The following FABP12 variants were observed in gnomAD, a reference collection of about 807,000 sequenced individuals.
FABP12 encodes the protein fatty acid-binding protein 12.
In FABP12, 19 loss-of-function variants were observed where a neutral mutation model predicts 13.7. The observed-to-expected ratio is 1.39, with a 90% CI of 0.97 to 2.04. FABP12 has a LOEUF of 2.04. FABP12 is among the 30% of genes most tolerant of loss of function. The probability of loss-of-function intolerance (pLI) is 0.00; values close to 1 mark genes in which losing one functional copy is unlikely to be tolerated. For synonymous variants in FABP12, 61 were observed against 57.0 expected (o/e 1.07, Z -0.32); for missense variants, 182 against 164.2 (o/e 1.11, Z -0.59).
intron 1 of FABP12, among the ~76,000 whole-genome samples, chr8:81,578,067 A>G (rs2130094286): frequency 6.6e-6 from 1 of 152,326 alleles, no homozygotes; most frequent in Middle Eastern, 3.4e-3. Context: ...TTTGGGAAGC[A>G]TCAGGTTAAA....
At chr8:81,536,166 A>G (rs995859362), upstream of FABP12, among the ~76,000 whole-genome samples, 6 of 152,124 alleles carry the variant, frequency 3.9e-5, no homozygotes, top group Admixed American at 1.3e-4. Context: ...TAACAACCCA[A>G]CAAGAGCAAC....
intron 1 of FABP12, chr8:81,532,995 AT>A (rs1371872359): frequency 6.6e-6 from 1 of 152,206 alleles, no homozygotes; most frequent in Non-Finnish European, 1.5e-5. Context: ...AATTCCCAGG[AT>A]TTTTCAAGAA....
chr8:81,525,515 C>CA (rs201121273), intron 4 of FABP12, among the ~76,000 whole-genome samples: 12,315 of 95,388 alleles, frequency 0.13, 678 homozygotes, highest in Admixed American at 0.27. Flanking sequence ...GACTCCGTCT[C>CA]AAAAAAAAAA....
intron 1 of FABP12, chr8:81,532,936 C>A (rs1170988015): frequency 1.3e-5 from 2 of 152,212 alleles, no homozygotes; most frequent in African/African-American, 4.8e-5. Context: ...GAGGCTGAAG[C>A]CAGGAAATGA....
chr8:81,560,156 T>C lies in FABP12; in HGVS notation c.-184-20413A>G, dbSNP rs371857144. On this transcript the variant is annotated intron_variant, in intron 1 of 5. Coordinates refer to the FABP12 transcript ENST00000692030. ...CTGCTGCAATGGTCTCCAGGTACAA[T>C]GAGACGAAGACTTACAATAAAGAAT... is the stretch of plus-strand genomic sequence containing the variant. 2.8e-3 allele frequency among the ~76,000 whole-genome samples: 433 copies of C among 152,238 alleles called. 3 individuals are homozygous for C. Among genetic ancestry groups the C allele is most frequent in the South Asian group, 9.3e-3 (45 of 4,822 alleles).
At chr8:81,580,125 C>A (rs989505948) in intron 1 of FABP12, among the ~76,000 whole-genome samples, 1 of 152,190 alleles carries the variant, frequency 6.6e-6, no homozygotes, top group Non-Finnish European at 1.5e-5. Context: ...TCCTGTAGAG[C>A]TCCATCAAGC....
At chr8:81,561,138 T>G (rs1395661971) in intron 1 of FABP12, among the ~76,000 whole-genome samples, 1 of 152,210 alleles carries the variant, frequency 6.6e-6, no homozygotes, top group East Asian at 1.9e-4. Flanking sequence ...TCTAGTCTAT[T>G]TTTGGTCACT....
intron 1 of FABP12, among the ~76,000 whole-genome samples, chr8:81,551,598 A>C (rs1170268521): frequency 1.3e-5 from 2 of 152,226 alleles, no homozygotes; most frequent in African/African-American, 4.8e-5. Context: ...ATCTTGTGAC[A>C]CAAAGTCTAG....
intron 1 of FABP12, among the ~76,000 whole-genome samples, 65 bp downstream of exon 1, chr8:81,533,737 G>A (rs936371387): frequency 6.6e-6 from 1 of 152,194 alleles, no homozygotes; most frequent in Admixed American, 6.5e-5. Flanking sequence ...ATGATCTGAA[G>A]GAGGGGTGCT....
chr8:81,567,693 C>T (rs1248728472), intron 1 of FABP12, among the ~76,000 whole-genome samples: 1 of 152,172 alleles, frequency 6.6e-6, no homozygotes, highest in East Asian at 1.9e-4. Flanking sequence ...AGTCCACAAA[C>T]TATGAAACTA....
chr8:81,589,013 T>C (rs1810283183), intron 1 of FABP12, among the ~76,000 whole-genome samples: 1 of 152,166 alleles, frequency 6.6e-6, no homozygotes, highest in Admixed American at 6.5e-5. Flanking sequence ...TCAGCAACTA[T>C]GGATGAGGTG....
chr8:81,578,823 GTTTT>G (rs763089399), intron 1 of FABP12, among the ~76,000 whole-genome samples: 2 of 105,668 alleles, frequency 1.9e-5, no homozygotes, highest in Non-Finnish European at 3.5e-5. Flanking sequence ...ATTTGTTCAA[GTTTT>G]TTTTTTTTTT....
intron 2 of FABP12, among the ~76,000 whole-genome samples, chr8:81,530,255 G>A (rs116271452): frequency 0.013 from 2,028 of 152,074 alleles, 42 homozygotes; most frequent in African/African-American, 0.046. Context: ...TCTTGTCTTG[G>A]AAGTTTTCCC....
intron 1 of FABP12, among the ~76,000 whole-genome samples, chr8:81,580,027 T>A (rs1359868531): frequency 6.6e-6 from 1 of 152,216 alleles, no homozygotes; most frequent in Non-Finnish European, 1.5e-5. Flanking sequence ...CACACCTACT[T>A]TCCACCTGGT....
chr8:81,575,537 G>C (rs1163354765), intron 1 of FABP12, among the ~76,000 whole-genome samples: 1 of 152,140 alleles, frequency 6.6e-6, no homozygotes, highest in Non-Finnish European at 1.5e-5. Context: ...GACCTGTCTA[G>C]TGCTGTCAGT....
upstream of FABP12, among the ~76,000 whole-genome samples, chr8:81,535,528 G>C (rs190901818): frequency 6.6e-6 from 1 of 152,272 alleles, no homozygotes; most frequent in East Asian, 1.9e-4. Flanking sequence ...GGAATCCACA[G>C]ACCTACCGGA....
At chr8:81,531,492 G>A (rs1021599227) in intron 1 of FABP12, 102 bp from the exon 2 acceptor site, 11 of 534,114 alleles carry the variant, frequency 2.1e-5, no homozygotes, top group Non-Finnish European at 3.3e-6. Flanking sequence ...ATCATCTAAA[G>A]CAGAAAAGCT....
In FABP12 at chr8:81,563,546, A is replaced by G. The variant is rs555964055; in HGVS notation, c.-184-23803T>C. Among the ~76,000 whole-genome samples the G allele has an allele frequency of 3.3e-5, 5 of 152,304 alleles. No homozygotes were observed. In the East Asian group the frequency reaches 9.6e-4, roughly 29 times the overall value. The stretch of plus-strand genomic sequence containing the variant: ...AATGAAATTCAAGATAACACAAAGA[A>G]GAAATTCAGAGTCTGATCAGATAAA... On this transcript the variant is annotated intron_variant, in intron 1 of 5. Transcript: ENST00000692030.
rs752936870 is a variant in FABP12 at position 81,527,012 on chromosome 8, T to TA, written c.348+7dup. ...AGGTGGGAAGAAAGCGAGGATGGGC[T>TA]AACTCACCACCACCATTTTCCCATC... On this transcript the variant is annotated splice_region_variant and intron_variant, in intron 4 of 4. Transcript: ENST00000360464. 1.1e-5 allele frequency: 18 copies of TA among 1,568,094 alleles called. No individual in the cohort carries two copies. Among genetic ancestry groups the TA allele is most frequent in the Non-Finnish European group, 4.4e-6 (5 of 1,144,022 alleles).
Sources: allele counts gnomAD v4.1 joint callset (sites outside exome capture counted in the v4.1 genomes callset), GRCh38; gene constraint gnomAD v4.1.1; transcripts MANE v1.5; gene names NCBI Gene and HGNC (gene_info 2026-07-23, HGNC 2026-07-21).